Variants in XPO4 observed in about 807,000 individuals in gnomAD.
XPO4 encodes the protein exportin-4.
XPO4 carries 39 observed loss-of-function variants against 143.0 expected under a neutral mutation model. That is an observed-to-expected ratio of 0.27 (90% CI 0.21 to 0.36). The LOEUF is 0.36. XPO4 is among the 10% of genes least tolerant of loss of function. The probability of loss-of-function intolerance (pLI) is 1.00; values close to 1 mark genes in which losing one functional copy is unlikely to be tolerated. For synonymous variants in XPO4, 439 were observed against 474.0 expected, an observed-to-expected ratio of 0.93 and a Z score of 0.96; for missense variants, 907 against 1,348.0, an observed-to-expected ratio of 0.67 and a Z score of 5.12.
At chr13:20,892,298 G>A (rs2060525990) in intron 1 of XPO4, among the ~76,000 whole-genome samples, 1 of 152,082 alleles carries the variant, frequency 6.6e-6, no homozygotes, top group Non-Finnish European at 1.5e-5. Context: ...ATGTTGGCCA[G>A]GTTGGTCTCA....
chr13:20,813,776 G>A (rs1322457734), intron 9 of XPO4, among the ~76,000 whole-genome samples: 1 of 152,068 alleles, frequency 6.6e-6, no homozygotes, highest in Non-Finnish European at 1.5e-5. Flanking sequence ...TGGCCAACAT[G>A]GCGAAACTCC....
At chr13:20,792,276 T>C (rs2059293152) in intron 18 of XPO4, among the ~76,000 whole-genome samples, 1 of 151,944 alleles carries the variant, frequency 6.6e-6, no homozygotes, top group Non-Finnish European at 1.5e-5. Context: ...CAAAACCCCA[T>C]CTCTACTAAA....
rs561517906 is a variant in XPO4 at position 20,853,569 on chromosome 13, A to G, written c.456+2058T>C. On this transcript the variant is annotated intron_variant, in intron 4 of 22. Transcript: ENST00000255305. ...AACCCTTCTTTCAAGAAATATTCCC[A>G]CTTCATAAAATCAAAATGACTTATA... Among the ~76,000 whole-genome samples the G allele has an allele frequency of 3.9e-5, 6 of 152,258 alleles. No homozygotes were observed. In the East Asian group the frequency reaches 1.2e-3, roughly 29 times the overall value.
intron 6 of XPO4, among the ~76,000 whole-genome samples, chr13:20,831,528 T>C (rs1040976869): frequency 6.6e-6 from 1 of 152,194 alleles, no homozygotes; most frequent in Non-Finnish European, 1.5e-5. Flanking sequence ...TTCACCGAAG[T>C]TCAAATAAGA....
chr13:20,785,342 C>G (rs1369553067), intron 22 of XPO4, among the ~76,000 whole-genome samples: 1 of 152,104 alleles, frequency 6.6e-6, no homozygotes, highest in African/African-American at 2.4e-5. Context: ...CACAGGGGAC[C>G]AAGTATAATC....
chr13:20,870,434 T>TAA (rs2060284579), intron 1 of XPO4, among the ~76,000 whole-genome samples: 2 of 122,488 alleles, frequency 1.6e-5, no homozygotes, highest in Non-Finnish European at 3.8e-5. Context: ...TCCATCTCAA[T>TAA]TAAAAAAAAA....
At chr13:20,854,961 G>A (rs1707635289) in intron 4 of XPO4, among the ~76,000 whole-genome samples, 3 of 152,098 alleles carry the variant, frequency 2.0e-5, no homozygotes, top group African/African-American at 7.2e-5. Flanking sequence ...AAACACTTCT[G>A]TATTCACTAG....
chr13:20,858,229 C>CAA (rs150735559), intron 3 of XPO4, among the ~76,000 whole-genome samples: 1 of 148,834 alleles, frequency 6.7e-6, no homozygotes, highest in African/African-American at 2.5e-5. Flanking sequence ...ACTGCAATAC[C>CAA]AAAAAAAAAG....
At chr13:20,808,610 A>G (rs1450257570) in intron 11 of XPO4, 29 bp from the exon 12 acceptor site, 4 of 1,496,508 alleles carry the variant, frequency 2.7e-6, no homozygotes, top group Non-Finnish European at 2.7e-6. Flanking sequence ...GTAGCTTCAT[A>G]AAGTTCAATA....
intron 9 of XPO4, among the ~76,000 whole-genome samples, chr13:20,821,024 A>AC (rs2059712826): frequency 6.6e-6 from 1 of 152,192 alleles, no homozygotes; most frequent in African/African-American, 2.4e-5. Context: ...AGCTATTCAG[A>AC]GTAACTGTTA....
intron 4 of XPO4, chr13:20,851,581 C>A (rs1213571428): frequency 2.1e-6 from 1 of 471,628 alleles, no homozygotes; most frequent in African/African-American, 2.1e-5. Context: ...TGGTGGCATG[C>A]ACCTGTAGTC....
chr13:20,843,155 C>T, intron 5 of XPO4, 107 bp from the exon 6 acceptor site: 1 of 1,130,330 alleles, frequency 8.8e-7, no homozygotes, highest in Non-Finnish European at 1.2e-6. Flanking sequence ...CAATGGAAAA[C>T]ACCATTTCCT....
intron 1 of XPO4, among the ~76,000 whole-genome samples, chr13:20,879,525 T>C (rs1188423627): frequency 6.6e-6 from 1 of 152,182 alleles, no homozygotes; most frequent in African/African-American, 2.4e-5. Context: ...CTTGGAGGAA[T>C]CCAGGCTTCA....
intron 9 of XPO4, among the ~76,000 whole-genome samples, chr13:20,814,584 GCGC>G (rs2059625801): frequency 6.6e-6 from 1 of 152,344 alleles, no homozygotes; most frequent in South Asian, 2.1e-4. Context: ...ACCTAACCTA[GCGC>G]TTTTTCATAA....
At chr13:20,858,899 A>AAT (rs199558546) in intron 3 of XPO4, among the ~76,000 whole-genome samples, 874 of 84,724 alleles carry the variant, frequency 0.01, 6 homozygotes, top group East Asian at 0.033. Flanking sequence ...AAAAAATTAA[A>AAT]ATATATATAT....
intron 6 of XPO4, among the ~76,000 whole-genome samples, chr13:20,832,622 G>A (rs1462747438): frequency 2.6e-5 from 4 of 152,108 alleles, no homozygotes; most frequent in African/African-American, 9.7e-5. Flanking sequence ...AGGAGCTACA[G>A]CAAGACCATT....
At position 20,882,109 on chromosome 13, in the gene XPO4, CAAA is replaced by C. The variant is rs35404161; in HGVS notation, c.70-13411_70-13409del. On this transcript the variant is annotated intron_variant, in intron 1 of 22. Transcript: ENST00000255305. ...TGGGCGACAGAGTAAGACTCGGTCT[CAAA>C]AAAAAAAAAAAAAAAGAAAGAAAGA... is the stretch of plus-strand genomic sequence containing the variant. Among the ~76,000 whole-genome samples the C allele has an allele frequency of 4.2e-3, 390 of 93,340 alleles. 1 individual carries two copies. The highest frequency in any genetic ancestry group is 0.01 in the South Asian group (29 of 2,826). 61.2% of individuals were successfully genotyped at this position (93,340 alleles called of 152,430 possible).
chr13:20,863,805 G>A (rs1422640792), intron 2 of XPO4, among the ~76,000 whole-genome samples: 2 of 152,150 alleles, frequency 1.3e-5, no homozygotes, highest in Admixed American at 6.5e-5. Context: ...AAAGCCATGA[G>A]AAATTATCTC....
At chr13:20,852,747 A>G (rs2060101803) in intron 4 of XPO4, 22 of 983,248 alleles carry the variant, frequency 2.2e-5, no homozygotes, top group South Asian at 4.7e-5. Context: ...AAAAAAGACT[A>G]GAAGAAAACC....
Sources: allele counts gnomAD v4.1 joint callset (sites outside exome capture counted in the v4.1 genomes callset), GRCh38; gene constraint gnomAD v4.1.1; transcripts MANE v1.5; gene names NCBI Gene and HGNC (gene_info 2026-07-23, HGNC 2026-07-21).